The following FTCDNL1 variants were observed in gnomAD, a reference collection of about 807,000 sequenced individuals.
FTCDNL1 encodes the protein formiminotransferase cyclodeaminase N-terminal like, also known as formiminotransferase N-terminal subdomain-containing protein.
In FTCDNL1, 11 loss-of-function variants were observed where a neutral mutation model predicts 5.9. That is an observed-to-expected ratio of 1.87 (90% CI 1.18 to 3.10). The LOEUF (loss-of-function observed/expected upper bound fraction) is 3.10. Ranked by LOEUF, FTCDNL1 falls within the 30% of genes most tolerant of loss-of-function variation. The probability of loss-of-function intolerance (pLI) is 0.00; values close to 1 mark genes in which losing one functional copy is unlikely to be tolerated. For missense variants in FTCDNL1, 115 were observed against 65.5 expected, an observed-to-expected ratio of 1.76 and a Z score of -2.61; for synonymous variants, 58 against 24.8, an observed-to-expected ratio of 2.34 and a Z score of -3.99.
intron 3 of FTCDNL1, among the ~76,000 whole-genome samples, chr2:199,794,172 C>G (rs1359649673): frequency 6.6e-6 from 1 of 152,086 alleles, no homozygotes; most frequent in Admixed American, 6.6e-5. Context: ...TATTTGAGTA[C>G]ACACTGGTGG....
intron 3 of FTCDNL1, among the ~76,000 whole-genome samples, chr2:199,765,532 T>TTATATATATATATA (rs1319054963): frequency 7.5e-5 from 6 of 79,608 alleles, no homozygotes; most frequent in East Asian, 1.3e-3. Flanking sequence ...TTTGTCTTCA[T>TTATATATATATATA]TATATATATA....
At chr2:199,799,061 T>C (rs1700313386) in intron 3 of FTCDNL1, among the ~76,000 whole-genome samples, 1 of 152,180 alleles carries the variant, frequency 6.6e-6, no homozygotes, top group South Asian at 2.1e-4. Flanking sequence ...CCAAAATCAC[T>C]AGGCCGCCTT....
At chr2:199,841,196 T>C (rs1451522822) in intron 3 of FTCDNL1, among the ~76,000 whole-genome samples, 1 of 151,218 alleles carries the variant, frequency 6.6e-6, no homozygotes, top group African/African-American at 2.4e-5. Context: ...AAATGGGATG[T>C]AGCCTAATAG....
chr2:199,823,997 T>A (rs1701860569), intron 3 of FTCDNL1, among the ~76,000 whole-genome samples: 2 of 152,208 alleles, frequency 1.3e-5, no homozygotes, highest in Admixed American at 1.3e-4. Context: ...AAATTTTTTG[T>A]AGAGACAGGG....
chr2:199,672,870 C>A, the FTCDNL1 span, among the ~76,000 whole-genome samples: 2 of 152,026 alleles, frequency 1.3e-5, no homozygotes, highest in African/African-American at 2.4e-5. Context: ...GGTTGCCCCC[C>A]ACCCTCTTCT....
At chr2:199,828,312 G>A (rs1357766684) in intron 3 of FTCDNL1, among the ~76,000 whole-genome samples, 1 of 152,132 alleles carries the variant, frequency 6.6e-6, no homozygotes, top group East Asian at 1.9e-4. Flanking sequence ...AACTTCAAAT[G>A]TCCACATCAA....
the FTCDNL1 span, among the ~76,000 whole-genome samples, chr2:199,688,159 G>A: frequency 6.9e-6 from 1 of 145,052 alleles, no homozygotes; most frequent in African/African-American, 2.5e-5. Context: ...TTCAACCTTG[G>A]ATCAGAGTTT....
the FTCDNL1 span, among the ~76,000 whole-genome samples, chr2:199,690,809 T>A: frequency 1.3e-5 from 2 of 152,208 alleles, no homozygotes; most frequent in Admixed American, 1.3e-4. Flanking sequence ...GACAGAAATC[T>A]AAAGAAGGAA....
chr2:199,779,727 G>C (rs752313213), intron 3 of FTCDNL1, among the ~76,000 whole-genome samples: 1 of 152,184 alleles, frequency 6.6e-6, no homozygotes, highest in Non-Finnish European at 1.5e-5. Flanking sequence ...GTGTACCCCA[G>C]GTAGGGGCAG....
Position 199,762,531 on chromosome 2 carries a change from C to T in FTCDNL1, c.212-1696G>A, listed in dbSNP as rs1698320004. ...AAATAAGTTCCAGGAAAACTGGGGT[C>T]TCTTCTGTCTTGTTCTCTGCTGTCT... On this transcript the variant is annotated intron_variant, in intron 3 of 3. Transcript: ENST00000416668. Among the ~76,000 whole-genome samples the T allele has an allele frequency of 2.0e-5, 3 of 152,302 alleles. No homozygotes were observed. In the South Asian group the frequency reaches 6.2e-4, roughly 32 times the overall value.
chr2:199,821,192 C>T (rs895874235), intron 3 of FTCDNL1, among the ~76,000 whole-genome samples: 1 of 152,086 alleles, frequency 6.6e-6, no homozygotes, highest in East Asian at 1.9e-4. Context: ...CTCTGTCGCC[C>T]AGGCTGGAGT....
Position 199,849,674 on chromosome 2 carries a change from T to A in FTCDNL1, c.-7-705A>T, listed in dbSNP as rs531428022. 8.5e-5 allele frequency among the ~76,000 whole-genome samples: 13 copies of A among 152,350 alleles called. No individual in the cohort carries two copies. The South Asian group carries it at 2.1e-3, about 24-fold the overall frequency. On this transcript the variant is annotated intron_variant, in intron 1 of 4. Transcript: ENST00000420128. ...AATTAATTATACAGGTTTTGGAGGTTGCTTTGATACTTTTTAGTACTCTAG... is the reference window on the plus strand; with the variant it reads ...AATTAATTATACAGGTTTTGGAGGTAGCTTTGATACTTTTTAGTACTCTAG...
chr2:199,806,550 C>T (rs1041885592), downstream of FTCDNL1, among the ~76,000 whole-genome samples: 4 of 152,176 alleles, frequency 2.6e-5, no homozygotes, highest in Non-Finnish European at 5.9e-5. Flanking sequence ...CAGAGTGGTC[C>T]TTTGTTGACC....
chr2:199,671,172 A>G, the FTCDNL1 span, among the ~76,000 whole-genome samples: 1 of 152,054 alleles, frequency 6.6e-6, no homozygotes, highest in Non-Finnish European at 1.5e-5. Context: ...CATGGCAAAA[A>G]AAAAAAAAAG....
chr2:199,728,313 T>C, the FTCDNL1 span, among the ~76,000 whole-genome samples: 1 of 151,900 alleles, frequency 6.6e-6, no homozygotes, highest in Non-Finnish European at 1.5e-5. Flanking sequence ...AGTGGTGCAA[T>C]CTTGGCTCAC....
chr2:199,730,343 G>A, the FTCDNL1 span, among the ~76,000 whole-genome samples: 2 of 152,260 alleles, frequency 1.3e-5, no homozygotes, highest in South Asian at 4.1e-4. Flanking sequence ...TGACCAATGA[G>A]ATCTAATTAA....
the FTCDNL1 span, among the ~76,000 whole-genome samples, chr2:199,698,103 C>T: frequency 6.6e-6 from 1 of 152,186 alleles, no homozygotes; most frequent in Non-Finnish European, 1.5e-5. Flanking sequence ...AATATATATG[C>T]ATCCAACACT....
downstream of FTCDNL1, among the ~76,000 whole-genome samples, chr2:199,758,352 T>C (rs1278537465): frequency 6.6e-6 from 1 of 151,362 alleles, no homozygotes; most frequent in East Asian, 1.9e-4. Context: ...AGGGTATGGA[T>C]ATGCAATTCA....
chr2:199,803,191 C>CAAAAA (rs71403491), intron 3 of FTCDNL1, among the ~76,000 whole-genome samples: 1 of 70,628 alleles, frequency 1.4e-5, no homozygotes, highest in Non-Finnish European at 2.6e-5. Context: ...AATACCGTCT[C>CAAAAA]AAAAAAAAAA....
Sources: allele counts gnomAD v4.1 joint callset (sites outside exome capture counted in the v4.1 genomes callset), GRCh38; gene constraint gnomAD v4.1.1; transcripts MANE v1.5; gene names NCBI Gene and HGNC (gene_info 2026-07-23, HGNC 2026-07-21).